The following ALPK2 variants were observed in gnomAD, a reference collection of about 807,000 sequenced individuals.
ALPK2 encodes alpha kinase 2.
Under a neutral mutation model 163.1 loss-of-function variants are expected in ALPK2, and 127 were observed. The ratio of observed to expected loss-of-function variants is 0.78; its 90% CI spans 0.67 to 0.90. The LOEUF is 0.90. Ranked by LOEUF, ALPK2 falls within the 40% of genes least tolerant of loss-of-function variation. ALPK2 has a pLI of 0.00. For missense variants in ALPK2, 2,360 were observed against 2,589.6 expected, an observed-to-expected ratio of 0.91 and a Z score of 1.92; for synonymous variants, 953 against 959.1, an observed-to-expected ratio of 0.99 and a Z score of 0.12.
At chr18:58,574,445 A>C (rs1345177300) in intron 4 of ALPK2, among the ~76,000 whole-genome samples, 1 of 148,734 alleles carries the variant, frequency 6.7e-6, no homozygotes, top group Non-Finnish European at 1.5e-5. Flanking sequence ...TCTCAAAAAA[A>C]AAAAAAAAAA....
At position 58,580,260 on chromosome 18, in the gene ALPK2, G is replaced by A; in HGVS notation, c.516C>T (p.Leu172=). ...CAAGATTGCCCAATGACTGGAGGGA[G>A]AGTGAATGGTTGGATTTGGAGGGGG... is the stretch of plus-strand genomic sequence containing the variant. ...DSSPSKSNHS[L]SLQSLGNLDI... is the part of the protein sequence containing the mutation. The change falls in exon 4 of 13, where the codon CTC becomes CTT. Residue 172 remains leucine, a synonymous_variant. Transcript: ENST00000361673. 1 of 1,614,232 alleles carries A rather than the reference G, an allele frequency of 6.2e-7. No individual in the cohort carries two copies. The highest frequency in any genetic ancestry group is 8.5e-7 in the Non-Finnish European group (1 of 1,180,040).
At chr18:58,533,448 A>C (rs2051626555) in intron 5 of ALPK2, among the ~76,000 whole-genome samples, 1 of 92,726 alleles carries the variant, frequency 1.1e-5, no homozygotes, top group Non-Finnish European at 2.1e-5. Flanking sequence ...CATTCTATTT[A>C]ATTTTTTTTT....
intron 10 of ALPK2, among the ~76,000 whole-genome samples, chr18:58,510,243 C>T (rs1285140468): frequency 5.9e-5 from 9 of 152,158 alleles, no homozygotes; most frequent in Non-Finnish European, 1.2e-4. Context: ...CATTGGTCTA[C>T]ATCTCTGTTT....
chr18:58,625,235 A>ATTGTCCC (rs2052223633), intron 1 of ALPK2, among the ~76,000 whole-genome samples: 1 of 151,464 alleles, frequency 6.6e-6, no homozygotes, highest in African/African-American at 2.4e-5. Flanking sequence ...GCCTCAGCAT[A>ATTGTCCC]TTGTCCCCAC....
chr18:58,519,357 T>G (rs961207382), intron 8 of ALPK2, among the ~76,000 whole-genome samples: 2 of 152,214 alleles, frequency 1.3e-5, no homozygotes, highest in African/African-American at 4.8e-5. Flanking sequence ...TAACAGAGTA[T>G]AGGAAATGTT....
At chr18:58,583,014 T>C (rs56350802) in intron 3 of ALPK2, among the ~76,000 whole-genome samples, 17,301 of 152,178 alleles carry the variant, frequency 0.11, 1,076 homozygotes, top group East Asian at 0.17. Context: ...CTCTGGACCT[T>C]AGAAGGTGTC....
intron 3 of ALPK2, among the ~76,000 whole-genome samples, chr18:58,591,119 C>T (rs935344963): frequency 2.0e-5 from 3 of 152,234 alleles, no homozygotes; most frequent in Non-Finnish European, 2.9e-5. Flanking sequence ...CTTGACTCCT[C>T]CCTTTGTCTC....
chr18:58,522,124 A>G (rs1411894830), intron 8 of ALPK2, among the ~76,000 whole-genome samples: 5 of 152,126 alleles, frequency 3.3e-5, no homozygotes, highest in Non-Finnish European at 1.5e-5. Context: ...TTCTCCTAAA[A>G]CTGACCGTGG....
At chr18:58,512,660 C>CTG (rs919525986) in intron 10 of ALPK2, among the ~76,000 whole-genome samples, 9 of 125,538 alleles carry the variant, frequency 7.2e-5, no homozygotes, top group South Asian at 2.8e-4. Flanking sequence ...TGTGTGTGTG[C>CTG]TGTGTGTGTG....
chr18:58,550,408 T>TCCCCATCTCCATCACCTACAACCCCATC (rs113079050), intron 4 of ALPK2, among the ~76,000 whole-genome samples: 1 of 4,444 alleles, frequency 2.3e-4, no homozygotes. Context: ...TACAACCCCA[T>TCCCCATCTCCATCACCTACAACCCCATC]CCCATTTCCA....
At chr18:58,624,277 C>T (rs998281864) in intron 1 of ALPK2, among the ~76,000 whole-genome samples, 3 of 152,154 alleles carry the variant, frequency 2.0e-5, no homozygotes, top group Non-Finnish European at 4.4e-5. Flanking sequence ...CAGCGAAGGC[C>T]AATAGCTATC....
In ALPK2 at chr18:58,537,018, A is replaced by T. The variant is rs3809976; in HGVS notation, c.3169T>A (p.Leu1057Met). ...KVSQFPSQVQ[L>M]DHILSGATIK... The stretch of plus-strand genomic sequence containing the variant: ...GTAGCACCACTTAAAATATGATCCA[A>T]CTGCACTTGGGAAGGAAATTGGGAA... The change falls in exon 5 of 13, where the codon TTG becomes ATG. Residue 1057 changes from leucine to methionine, a missense_variant. Leu to Met is a conservative substitution (Grantham distance 15). Transcript: ENST00000361673. The T allele has an allele frequency of 1.2e-6, 2 of 1,613,932 alleles. No individual in the cohort carries two copies. The highest frequency in any genetic ancestry group is 1.7e-6 in the Non-Finnish European group (2 of 1,179,988).
intron 5 of ALPK2, 130 bp from the exon 6 acceptor site, chr18:58,529,368 C>G (rs995720363): frequency 4.3e-5 from 43 of 1,007,704 alleles, no homozygotes; most frequent in Non-Finnish European, 5.4e-5. Flanking sequence ...AGAATTGAGT[C>G]TCTGAGGGGA....
At position 58,481,630 on chromosome 18, in the gene ALPK2, C is replaced by T; in HGVS notation, c.*193G>A. On this transcript the variant is annotated 3_prime_UTR_variant, in exon 13 of 13. Coordinates refer to ENST00000361673, the MANE Select transcript of ALPK2 (RefSeq NM_052947.4). ...TTCAATCTCCCCATAAACCTGGTCG[C>T]AAATCCTGTTCTGAAATCATTTGAG... is the stretch of plus-strand genomic sequence containing the variant. The T allele has an allele frequency of 1.7e-6, 1 of 602,664 alleles. No homozygotes were observed. The highest frequency in any genetic ancestry group is 3.0e-6 in the Non-Finnish European group (1 of 334,974). The allele number at this position is 602,664 out of a possible 1,614,324, so 37.3% of individuals were successfully genotyped here. A position where few individuals can be genotyped will look rare whatever the true frequency, so the allele number is the denominator to read the frequency against.
At chr18:58,492,427 C>G in intron 12 of ALPK2, among the ~76,000 whole-genome samples, 1 of 152,194 alleles carries the variant, frequency 6.6e-6, no homozygotes, top group East Asian at 1.9e-4. Flanking sequence ...GAGGCTCCCA[C>G]CTGGTGACAC....
chr18:58,493,082 G>A (rs1317223881), intron 12 of ALPK2, among the ~76,000 whole-genome samples: 1 of 152,186 alleles, frequency 6.6e-6, no homozygotes, highest in Non-Finnish European at 1.5e-5. Context: ...ATGAAGATGG[G>A]ATGCAGGTGG....
intron 11 of ALPK2, among the ~76,000 whole-genome samples, chr18:58,500,667 G>A (rs1325989494): frequency 6.6e-6 from 1 of 152,108 alleles, no homozygotes; most frequent in African/African-American, 2.4e-5. Context: ...GCTCATGCCT[G>A]TAATCCCGGC....
chr18:58,547,732 G>A (rs996354754), intron 4 of ALPK2, among the ~76,000 whole-genome samples: 4 of 152,112 alleles, frequency 2.6e-5, no homozygotes, highest in African/African-American at 7.2e-5. Context: ...TAATTTCCGG[G>A]GGGTTTCAGA....
At chr18:58,515,381 A>T (rs981321418) in intron 9 of ALPK2, among the ~76,000 whole-genome samples, 2 of 152,244 alleles carry the variant, frequency 1.3e-5, no homozygotes, top group Non-Finnish European at 2.9e-5. Flanking sequence ...AACTAAGGGG[A>T]CTGGCCCCTC....
Sources: gnomAD v4.1 joint callset for allele counts (sites outside exome capture counted in the v4.1 genomes callset) on GRCh38, gnomAD v4.1.1 for gene constraint, MANE v1.5 for transcripts, NCBI Gene and HGNC (gene_info 2026-07-23, HGNC 2026-07-21) for gene names.